The following DNAJA1 variants were observed in gnomAD, a reference collection of about 807,000 sequenced individuals.
The protein encoded by DNAJA1 is DnaJ heat shock protein family (Hsp40) member A1, also known as dnaJ homolog subfamily A member 1.
In DNAJA1, 26 loss-of-function variants were observed where a neutral mutation model predicts 47.6. That is an observed-to-expected ratio of 0.55 (90% CI 0.40 to 0.76). The LOEUF is 0.76. Ranked by LOEUF, DNAJA1 falls within the 30% of genes least tolerant of loss-of-function variation. The pLI is 0.00. For missense variants in DNAJA1, 315 were observed against 485.0 expected (o/e 0.65, Z 3.29); for synonymous variants, 165 against 158.4 (o/e 1.04, Z -0.31).
At chr9:33,038,475 T>A (rs562793719) in intron 8 of DNAJA1, among the ~76,000 whole-genome samples, 1 of 152,360 alleles carries the variant, frequency 6.6e-6, no homozygotes, top group South Asian at 2.1e-4. Context: ...CAATCATTTT[T>A]AATAAAGCCT....
intron 6 of DNAJA1, among the ~76,000 whole-genome samples, chr9:33,035,318 C>T (rs558153717): frequency 1.0e-3 from 154 of 151,726 alleles, no homozygotes; most frequent in Non-Finnish European, 1.7e-3. Context: ...GTTGAGATGG[C>T]GCCATTGCAC....
chr9:33,035,243 C>T (rs549691011), intron 6 of DNAJA1, among the ~76,000 whole-genome samples: 2 of 151,922 alleles, frequency 1.3e-5, no homozygotes, highest in Non-Finnish European at 2.9e-5. Flanking sequence ...AAAAATTAGC[C>T]AGGCATGGTG....
chr9:33,039,821 T>A lies in DNAJA1; in HGVS notation c.*918T>A, dbSNP rs540106753. 1.8e-4 allele frequency: 27 copies of A among 152,222 alleles called. No homozygotes were observed. In the South Asian group the frequency reaches 5.6e-3, roughly 32 times the overall value. 9.4% of individuals were successfully genotyped at this position (152,222 alleles called of 1,614,324 possible). ...ATTGTATGTTTAAAAGTCTCATATG[T>A]TCACATGCTTAAATCTGGGTATCAG... On this transcript the variant is annotated 3_prime_UTR_variant, in exon 9 of 9. Transcript: ENST00000330899.
intron 8 of DNAJA1, 90 bp from the exon 9 acceptor site, chr9:33,038,595 T>C: frequency 8.4e-7 from 1 of 1,193,124 alleles, no homozygotes; most frequent in Non-Finnish European, 1.2e-6. Flanking sequence ...ATTACGTGTT[T>C]ACATGTGTTT....
chr9:33,031,346 C>G (rs926792332), intron 5 of DNAJA1, among the ~76,000 whole-genome samples: 1 of 152,184 alleles, frequency 6.6e-6, no homozygotes, highest in Admixed American at 6.5e-5. Flanking sequence ...GATGACCTGC[C>G]TCGGCCTCCC....
intron 7 of DNAJA1, 105 bp downstream of exon 7, chr9:33,036,794 T>C: frequency 1.1e-6 from 1 of 878,086 alleles, no homozygotes; most frequent in Non-Finnish European, 1.7e-6. Flanking sequence ...CCATTGTTTT[T>C]CTTTCTCGGT....
At position 33,039,536 on chromosome 9, in the gene DNAJA1, C is replaced by CATACATATATATATAT. The variant is rs1839087244; in HGVS notation, c.*636_*637insCATATATATATATATA. 8.8e-6 allele frequency: 1 copy of CATACATATATATATAT among 113,884 alleles called. No individual in the cohort carries two copies. Among genetic ancestry groups the CATACATATATATATAT allele is most frequent in the African/African-American group, 2.9e-5 (1 of 34,204 alleles). The allele number at this position is 113,884 out of a possible 1,614,324, so 7.1% of individuals were successfully genotyped here. ...TTGTGTTTCCTTCTGCTGTGCCATT[C>CATACATATATATATAT]ATATATATATACATATATATATATA... On this transcript the variant is annotated 3_prime_UTR_variant, in exon 9 of 9. Coordinates refer to ENST00000330899, the MANE Select transcript of DNAJA1 (RefSeq NM_001539.4).
In DNAJA1 at chr9:33,025,309, A is replaced by T. The variant is rs1838782113; in HGVS notation, c.-85A>T. On this transcript the variant is annotated 5_prime_UTR_variant, in exon 1 of 9. Coordinates refer to ENST00000330899, the MANE Select transcript of DNAJA1 (RefSeq NM_001539.4). Reference sequence around the variant, plus strand: ...CAGAACGCTCGGTGAGAGGCGGAGGAGCGGTAACTACCCCGGCTGCGCACA... The same window carrying T: ...CAGAACGCTCGGTGAGAGGCGGAGGTGCGGTAACTACCCCGGCTGCGCACA... 1 of 152,276 alleles carries T rather than the reference A, an allele frequency of 6.6e-6. No individual in the cohort carries two copies. The highest frequency in any genetic ancestry group is 2.4e-5 in the African/African-American group (1 of 41,376). 9.4% of individuals were successfully genotyped at this position (152,276 alleles called of 1,614,324 possible).
chr9:33,030,402 C>T (rs770691518), intron 4 of DNAJA1, 38 bp from the exon 5 acceptor site: 5 of 1,558,136 alleles, frequency 3.2e-6, no homozygotes, highest in African/African-American at 2.8e-5. Context: ...GTATACACTA[C>T]TAATTCATAC....
In DNAJA1 at chr9:33,027,106, T is replaced by C. The variant is rs74674752; in HGVS notation, c.310+116T>C. The C allele has an allele frequency of 5.4e-4, 680 of 1,251,998 alleles. 2 individuals are homozygous for C. The African/African-American group carries it at 9.6e-3, about 18-fold the overall frequency. The allele number at this position is 1,251,998 out of a possible 1,614,324, so 77.6% of individuals were successfully genotyped here. A position where few individuals can be genotyped will look rare whatever the true frequency, so the allele number is the denominator to read the frequency against. Reference sequence around the variant, plus strand: ...TACATGTTGGTATAATGTTGCAAACTGACCACAAATTGCCTCTGATTTATG... The same window carrying C: ...TACATGTTGGTATAATGTTGCAAACCGACCACAAATTGCCTCTGATTTATG... On this transcript the variant is annotated intron_variant, in intron 3 of 8. Transcript: ENST00000330899.
At chr9:33,037,458 G>C (rs1414937023) in intron 8 of DNAJA1, 1 of 167,308 alleles carries the variant, frequency 6.0e-6, no homozygotes, top group Admixed American at 6.1e-5. Flanking sequence ...AAGACAGGTG[G>C]ATTGCTTGAG....
At chr9:33,026,342 C>T in intron 1 of DNAJA1, 133 bp from the exon 2 acceptor site, 1 of 859,928 alleles carries the variant, frequency 1.2e-6, no homozygotes, top group Non-Finnish European at 1.7e-6. Flanking sequence ...GGAATTGTTA[C>T]CTTTTTGGTG....
chr9:33,037,570 T>C (rs1160123392), intron 8 of DNAJA1, among the ~76,000 whole-genome samples: 2 of 152,106 alleles, frequency 1.3e-5, no homozygotes, highest in Non-Finnish European at 1.5e-5. Context: ...TAGTCCCAGC[T>C]ACTCGGGAGG....
At position 33,036,694 on chromosome 9, in the gene DNAJA1, G is replaced by A. The variant is rs1839040476; in HGVS notation, c.874+5G>A. The A allele has an allele frequency of 1.2e-6, 2 of 1,600,542 alleles. No homozygotes were observed. The highest frequency in any genetic ancestry group is 2.2e-5 in the East Asian group (1 of 44,814). ...TCGTCATCACCTCTCATCCAGGTAT[G>A]GGAACTAGGCAAGCTTAAACTTCTC... is the stretch of plus-strand genomic sequence containing the variant. On this transcript the variant is annotated splice_donor_5th_base_variant and intron_variant, in intron 7 of 8. Transcript: ENST00000330899.
chr9:33,033,452 A>G (rs1346726462), intron 5 of DNAJA1, among the ~76,000 whole-genome samples: 3 of 152,096 alleles, frequency 2.0e-5, no homozygotes, highest in African/African-American at 7.2e-5. Context: ...TGTAATCCGA[A>G]CACTATAGGA....
Position 33,039,087 on chromosome 9 carries a change from G to A in DNAJA1, c.*184G>A, listed in dbSNP as rs554132326. On this transcript the variant is annotated 3_prime_UTR_variant, in exon 9 of 9. Transcript: ENST00000330899. ...AGCTCTGATTTTGCCCTGTATGTAT[G>A]ATGACTTCAGTGTGCAAGATGAAGT... 1 of 609,808 alleles carries A rather than the reference G, an allele frequency of 1.6e-6. No individual in the cohort carries two copies. Among genetic ancestry groups the A allele is most frequent in the African/African-American group, 1.8e-5 (1 of 54,068 alleles). The allele number at this position is 609,808 out of a possible 1,614,324, so 37.8% of individuals were successfully genotyped here. A position where few individuals can be genotyped will look rare whatever the true frequency, so the allele number is the denominator to read the frequency against.
Position 33,038,923 on chromosome 9 carries a change from C to CA in DNAJA1, c.*21dup. On this transcript the variant is annotated 3_prime_UTR_variant, in exon 9 of 9. Coordinates refer to ENST00000330899, the MANE Select transcript of DNAJA1 (RefSeq NM_001539.4). Reference sequence around the variant, plus strand: ...TCTTAATGGGCCAGTGAATAACACTCACTGCTGGCATTTAATGTGCAGTAG... The same window carrying CA: ...TCTTAATGGGCCAGTGAATAACACTCAACTGCTGGCATTTAATGTGCAGTAG... 1.3e-6 allele frequency: 2 copies of CA among 1,589,868 alleles called. No individual in the cohort carries two copies. The highest frequency in any genetic ancestry group is 8.6e-7 in the Non-Finnish European group (1 of 1,165,200).
Position 33,025,330 on chromosome 9 carries a change from GCACAGCTCGGC to G in DNAJA1, c.-63_-53del, listed in dbSNP as rs1838783793. ...GAGGAGCGGTAACTACCCCGGCTGCGCACAGCTCGGCGCTCCTTCCCGCTCCCTCACACACC... is the reference window on the plus strand; with the variant it reads ...GAGGAGCGGTAACTACCCCGGCTGCGGCTCCTTCCCGCTCCCTCACACACC... On this transcript the variant is annotated 5_prime_UTR_variant, in exon 1 of 9. Coordinates refer to ENST00000330899, the MANE Select transcript of DNAJA1 (RefSeq NM_001539.4). 1 of 152,532 alleles carries G rather than the reference GCACAGCTCGGC, an allele frequency of 6.6e-6. No individual in the cohort carries two copies. The highest frequency in any genetic ancestry group is 6.5e-5 in the Admixed American group (1 of 15,286). 9.4% of individuals were successfully genotyped at this position (152,532 alleles called of 1,614,324 possible). A position where few individuals can be genotyped will look rare whatever the true frequency, so the allele number is the denominator to read the frequency against.
At chr9:33,032,994 C>T (rs929730354) in intron 5 of DNAJA1, among the ~76,000 whole-genome samples, 9 of 152,116 alleles carry the variant, frequency 5.9e-5, no homozygotes, top group Non-Finnish European at 1.0e-4. Context: ...AACATGATTG[C>T]TCTGTTAGGT....
Sources: allele counts gnomAD v4.1 joint callset (sites outside exome capture counted in the v4.1 genomes callset), GRCh38; gene constraint gnomAD v4.1.1; transcripts MANE v1.5; gene names NCBI Gene and HGNC (gene_info 2026-07-23, HGNC 2026-07-21).